GNAO1: variants seen among roughly 807,000 people sequenced by gnomAD.
GNAO1 encodes the protein guanine nucleotide-binding protein G(o) subunit alpha.
For synonymous variants in GNAO1, 164 were observed against 180.7 expected (o/e 0.91, Z 0.74); for missense variants, 166 against 478.7 (o/e 0.35, Z 6.10).
Position 56,279,933 on chromosome 16 carries a change from C to T in GNAO1, c.303+3861C>T, listed in dbSNP as rs982008798. On this transcript the variant is annotated intron_variant, in intron 3 of 8. Coordinates refer to ENST00000262493, the MANE Select transcript of GNAO1 (RefSeq NM_020988.3). ...TCTTTGGGTCACCTCCTCACTCCAG[C>T]AGCCAACACAGTGCTCAGCACTTAG... Among the ~76,000 whole-genome samples the T allele has an allele frequency of 3.9e-5, 6 of 152,374 alleles. No individual in the cohort carries two copies. The South Asian group carries it at 1.2e-3, about 32-fold the overall frequency.
intron 2 of GNAO1, chr16:56,270,311 CCCCTGAGCGT>C (rs1782729770): frequency 6.6e-6 from 1 of 152,280 alleles, no homozygotes; most frequent in African/African-American, 2.4e-5. Context: ...GCCTGGAACA[CCCCTGAGCGT>C]CCCTGAGTTT....
chr16:56,235,944 T>C (rs1260646796), intron 2 of GNAO1, among the ~76,000 whole-genome samples: 1 of 152,212 alleles, frequency 6.6e-6, no homozygotes, highest in Non-Finnish European at 1.5e-5. Flanking sequence ...ACCTTTATCA[T>C]TTGAAATTTT....
At chr16:56,209,354 A>G (rs77887049) in intron 2 of GNAO1, among the ~76,000 whole-genome samples, 2,908 of 152,258 alleles carry the variant, frequency 0.019, 63 homozygotes, top group African/African-American at 0.04. Context: ...CACTGTCTTG[A>G]TTATGATAGC....
At chr16:56,319,741 C>T (rs1471432373) in intron 3 of GNAO1, among the ~76,000 whole-genome samples, 1 of 152,166 alleles carries the variant, frequency 6.6e-6, no homozygotes, top group African/African-American at 2.4e-5. Flanking sequence ...AGGCATCCTG[C>T]TCCCCAGCAA....
At chr16:56,257,261 A>T (rs1404788900) in intron 2 of GNAO1, among the ~76,000 whole-genome samples, 3 of 152,192 alleles carry the variant, frequency 2.0e-5, no homozygotes, top group Non-Finnish European at 2.9e-5. Context: ...TGAGTCGGCA[A>T]TCCATGGTCT....
chr16:56,308,655 C>A (rs1292984729), intron 3 of GNAO1, among the ~76,000 whole-genome samples: 3 of 152,136 alleles, frequency 2.0e-5, no homozygotes, highest in African/African-American at 7.2e-5. Flanking sequence ...TCCTTGGGAA[C>A]ATTGGCACCT....
intron 2 of GNAO1, among the ~76,000 whole-genome samples, chr16:56,257,818 CA>C (rs766312765): frequency 2.6e-5 from 4 of 152,232 alleles, no homozygotes; most frequent in Non-Finnish European, 5.9e-5. Context: ...CCAACAGGGC[CA>C]GCAGGCTGGT....
At chr16:56,237,045 G>A (rs1038057632) in intron 2 of GNAO1, among the ~76,000 whole-genome samples, 1 of 152,196 alleles carries the variant, frequency 6.6e-6, no homozygotes, top group East Asian at 1.9e-4. Flanking sequence ...AAATTTTTGT[G>A]AGGATTAAGT....
chr16:56,261,250 C>T (rs1213098091), intron 2 of GNAO1, among the ~76,000 whole-genome samples: 1 of 152,198 alleles, frequency 6.6e-6, no homozygotes, highest in East Asian at 1.9e-4. Context: ...GTACCTTTTG[C>T]CTTGAACTCT....
chr16:56,208,424 T>A (rs2036351083), intron 2 of GNAO1, among the ~76,000 whole-genome samples: 1 of 88,192 alleles, frequency 1.1e-5, no homozygotes, highest in South Asian at 3.9e-4. Flanking sequence ...TATCAATGTG[T>A]GTGTGTGTGT....
At chr16:56,345,613 G>A in intron 6 of GNAO1, 1 of 985,486 alleles carries the variant, frequency 1.0e-6, no homozygotes, top group East Asian at 1.1e-4. Context: ...ATCAGCCCAA[G>A]TCCACCTCTG....
intron 6 of GNAO1, chr16:56,346,836 C>G (rs2037875267): frequency 1.0e-6 from 1 of 985,498 alleles, no homozygotes; most frequent in Non-Finnish European, 1.2e-6. Flanking sequence ...GCCCCAAGTT[C>G]CAACTTGCAA....
At chr16:56,284,774 A>G (rs1406512063) in intron 3 of GNAO1, among the ~76,000 whole-genome samples, 1 of 152,138 alleles carries the variant, frequency 6.6e-6, no homozygotes, top group Non-Finnish European at 1.5e-5. Flanking sequence ...CATTCATCCA[A>G]TGGGTGTGTG....
At chr16:56,321,528 G>T (rs1324640465) in intron 3 of GNAO1, among the ~76,000 whole-genome samples, 16 of 152,182 alleles carry the variant, frequency 1.1e-4, no homozygotes, top group African/African-American at 3.9e-4. Context: ...GTCCACCCCA[G>T]ACTCTTCACA....
At chr16:56,331,288 TC>T (rs1279927374) in intron 4 of GNAO1, among the ~76,000 whole-genome samples, 1 of 152,122 alleles carries the variant, frequency 6.6e-6, no homozygotes, top group African/African-American at 2.4e-5. Context: ...TAGAGGCAGG[TC>T]CCAGAAACCC....
chr16:56,202,024 C>T (rs1184474269), intron 2 of GNAO1, among the ~76,000 whole-genome samples: 1 of 152,108 alleles, frequency 6.6e-6, no homozygotes, highest in Non-Finnish European at 1.5e-5. Context: ...AGAAGGCAGG[C>T]ATGCGTCTCC....
At chr16:56,295,241 G>A (rs141162739) in intron 3 of GNAO1, among the ~76,000 whole-genome samples, 1 of 152,312 alleles carries the variant, frequency 6.6e-6, no homozygotes, top group Non-Finnish European at 1.5e-5. Flanking sequence ...CATGGTATCA[G>A]AGGTTGAACT....
rs748093621 is a variant in GNAO1 at position 56,354,886 on chromosome 16, G to A, written c.898G>A (p.Ala300Thr). Residue 300 changes from alanine to threonine, a missense_variant, in exon 8 of 9, where the codon GCA becomes ACA. Physicochemically the swap from Ala to Thr is moderately conservative, Grantham distance 58. Coordinates refer to ENST00000262493, the MANE Select transcript of GNAO1 (RefSeq NM_020988.3). This position sits in a 1 kb window ranked among gnomAD's most constrained non-coding sequence, Gnocchi z 4.3. ...TACAGGCCCCAATACCTATGAAGACGCAGCCGCCTACATCCAAGCACAATT... is the reference window on the plus strand; with the variant it reads ...TACAGGCCCCAATACCTATGAAGACACAGCCGCCTACATCCAAGCACAATT... Reference protein sequence around the residue: ...EYTGPNTYEDAAAYIQAQFES... With the variant: ...EYTGPNTYEDTAAYIQAQFES... 7.4e-6 allele frequency: 12 copies of A among 1,612,084 alleles called. No individual in the cohort carries two copies. Among genetic ancestry groups the A allele is most frequent in the Non-Finnish European group, 8.5e-6 (10 of 1,178,566 alleles).
chr16:56,275,558 T>C (rs1179692109), intron 2 of GNAO1, among the ~76,000 whole-genome samples: 2 of 152,214 alleles, frequency 1.3e-5, no homozygotes, highest in Non-Finnish European at 2.9e-5. Context: ...TTTTCAACAA[T>C]ATGCCTCTGG....
Sources: gnomAD v4.1 joint callset for allele counts (sites outside exome capture counted in the v4.1 genomes callset) on GRCh38, gnomAD v4.1.1 for gene constraint, Gnocchi (gnomAD v3.1) non-coding constraint, MANE v1.5 for transcripts, NCBI Gene and HGNC (gene_info 2026-07-23, HGNC 2026-07-21) for gene names.